PHYHIPL: variants seen among roughly 807,000 people sequenced by gnomAD.
PHYHIPL encodes phytanoyl-CoA hydroxylase-interacting protein-like.
Under a neutral mutation model 33.4 loss-of-function variants are expected in PHYHIPL, and 9 were observed. The observed-to-expected ratio is 0.27, with a 90% CI of 0.16 to 0.47. The LOEUF (loss-of-function observed/expected upper bound fraction) is 0.47, where lower values mean the gene tolerates loss of function less well. PHYHIPL is among the 20% of genes least tolerant of loss of function. The pLI, the probability that PHYHIPL is intolerant of heterozygous loss-of-function variation, is 0.99. For synonymous variants in PHYHIPL, 153 were observed against 154.1 expected (o/e 0.99, Z 0.05); for missense variants, 365 against 460.7 (o/e 0.79, Z 1.90).
In PHYHIPL at chr10:59,246,649, G is replaced by C; in HGVS notation, c.*1058G>C. 2.5e-6 allele frequency: 1 copy of C among 397,584 alleles called. No homozygotes were observed. The highest frequency in any genetic ancestry group is 1.3e-4 in the South Asian group (1 of 7,846). The allele number at this position is 397,584 out of a possible 1,614,324, so 24.6% of individuals were successfully genotyped here. A position where few individuals can be genotyped will look rare whatever the true frequency, so the allele number is the denominator to read the frequency against. On this transcript the variant is annotated 3_prime_UTR_variant, in exon 5 of 5. Coordinates refer to ENST00000373880, the MANE Select transcript of PHYHIPL (RefSeq NM_032439.4). ...ATAAATATTCTGGCTTCTTTTTCAA[G>C]GTATCAGGGCAAACAATTTCCAAAC...
intron 4 of PHYHIPL, among the ~76,000 whole-genome samples, chr10:59,240,357 TAAGTTGAAAATATC>T (rs1840356462): frequency 6.6e-6 from 1 of 152,088 alleles, no homozygotes; most frequent in South Asian, 2.1e-4. Flanking sequence ...AAACCCATTG[TAAGTTGAAAATATC>T]AAGTTGAAAA....
chr10:59,200,760 T>A (rs1839078201), intron 1 of PHYHIPL, among the ~76,000 whole-genome samples: 1 of 152,208 alleles, frequency 6.6e-6, no homozygotes, highest in Admixed American at 6.5e-5. Context: ...ATTTAGCCAT[T>A]CAACTTCTTC....
chr10:59,176,982 G>T (rs1242242821), intron 1 of PHYHIPL, 23 bp downstream of exon 1: 1 of 1,604,898 alleles, frequency 6.2e-7, no homozygotes, highest in Non-Finnish European at 8.5e-7. Context: ...GGGACCGCGA[G>T]GAAAGGGACA....
chr10:59,202,397 G>T (rs957031661), intron 1 of PHYHIPL, among the ~76,000 whole-genome samples: 17 of 152,096 alleles, frequency 1.1e-4, no homozygotes, highest in Admixed American at 3.9e-4. Context: ...TTTTTTACAT[G>T]ATTAGCCAAG....
At chr10:59,177,635 G>A (rs756094872) in intron 1 of PHYHIPL, 1 of 1,551,466 alleles carries the variant, frequency 6.4e-7, no homozygotes, top group Non-Finnish European at 8.7e-7. Context: ...ACCATTGCGT[G>A]TTGATATTAT....
At chr10:59,174,633 T>C (rs967635932), upstream of PHYHIPL, among the ~76,000 whole-genome samples, 2 of 152,236 alleles carry the variant, frequency 1.3e-5, no homozygotes, top group Non-Finnish European at 2.9e-5. Flanking sequence ...AATACACTTC[T>C]TGAAACATTA....
At chr10:59,200,041 C>G (rs558231476) in intron 1 of PHYHIPL, among the ~76,000 whole-genome samples, 1 of 152,160 alleles carries the variant, frequency 6.6e-6, no homozygotes, top group East Asian at 1.9e-4. Flanking sequence ...AATTGAATAC[C>G]CTTTATTTCT....
upstream of PHYHIPL, among the ~76,000 whole-genome samples, chr10:59,174,607 C>T (rs1312436343): frequency 6.6e-6 from 1 of 152,176 alleles, no homozygotes; most frequent in African/African-American, 2.4e-5. Context: ...AAGTTGTATA[C>T]CCAGAAAGTG....
intron 1 of PHYHIPL, among the ~76,000 whole-genome samples, chr10:59,199,685 T>A (rs961853497): frequency 6.6e-5 from 10 of 152,342 alleles, no homozygotes; most frequent in African/African-American, 2.2e-4. Context: ...TTCCTATCCA[T>A]GAGCATGGAA....
chr10:59,227,291 A>G (rs563737251), intron 1 of PHYHIPL, among the ~76,000 whole-genome samples: 47 of 152,290 alleles, frequency 3.1e-4, no homozygotes, highest in South Asian at 2.7e-3. Context: ...AGTGTGGTAG[A>G]GAAGCAAGGC....
intron 4 of PHYHIPL, among the ~76,000 whole-genome samples, chr10:59,244,562 C>CAAAAAAAAA (rs71006239): frequency 0.084 from 3,302 of 39,466 alleles, 1,017 homozygotes; most frequent in East Asian, 0.21. Context: ...GACTCTGTCT[C>CAAAAAAAAA]AAAAAAAAAA....
Position 59,188,483 on chromosome 10 carries a change from C to T in PHYHIPL, c.106+11524C>T, listed in dbSNP as rs183728357. Among the ~76,000 whole-genome samples, 274 of 152,086 alleles carry T rather than the reference C, an allele frequency of 1.8e-3. 1 individual carries two copies. The highest frequency in any genetic ancestry group is 7.8e-3 in the Admixed American group (119 of 15,266). On this transcript the variant is annotated intron_variant, in intron 1 of 4. Transcript: ENST00000373880. ...GAGTTCTGTAGATGTCTATTAGGTC[C>T]GCTTGGTGCAGAGCTGAGTTCAATT...
At chr10:59,191,586 C>T (rs1298514469) in intron 1 of PHYHIPL, among the ~76,000 whole-genome samples, 1 of 151,930 alleles carries the variant, frequency 6.6e-6, no homozygotes, top group East Asian at 1.9e-4. Context: ...GTTTTTATCA[C>T]TACAATGTAA....
At chr10:59,202,703 T>C (rs1300596650) in intron 1 of PHYHIPL, among the ~76,000 whole-genome samples, 1 of 152,190 alleles carries the variant, frequency 6.6e-6, no homozygotes, top group African/African-American at 2.4e-5. Flanking sequence ...CTTTCTGTTT[T>C]CCAGTTGTGA....
intron 1 of PHYHIPL, among the ~76,000 whole-genome samples, chr10:59,185,290 G>A (rs1465708511): frequency 7.2e-5 from 11 of 152,138 alleles, no homozygotes; most frequent in East Asian, 3.9e-4. Flanking sequence ...GCGCCCGGCC[G>A]AACTCATCAT....
chr10:59,237,365 G>A (rs1436130831), intron 3 of PHYHIPL, among the ~76,000 whole-genome samples: 1 of 151,722 alleles, frequency 6.6e-6, no homozygotes, highest in African/African-American at 2.4e-5. Flanking sequence ...AGTGTTAATG[G>A]GATACCATAT....
intron 1 of PHYHIPL, among the ~76,000 whole-genome samples, chr10:59,202,769 A>G (rs759040636): frequency 2.6e-5 from 4 of 152,240 alleles, no homozygotes; most frequent in Non-Finnish European, 5.9e-5. Flanking sequence ...GCTATTAAAC[A>G]GCAGAGTCAG....
Position 59,246,401 on chromosome 10 carries a change from T to C in PHYHIPL, c.*810T>C, listed in dbSNP as rs1840712306. The C allele has an allele frequency of 3.0e-6, 1 of 332,980 alleles. No homozygotes were observed. The highest frequency in any genetic ancestry group is 4.5e-5 in the East Asian group (1 of 22,390). The allele number at this position is 332,980 out of a possible 1,614,324, so 20.6% of individuals were successfully genotyped here. On this transcript the variant is annotated 3_prime_UTR_variant, in exon 5 of 5. Transcript: ENST00000373880. ...CAGAGAAAACAATAAGCCTCTGAAA[T>C]AAGTCTGTTTCTGAAATAGTCAATA...
At chr10:59,187,364 G>A (rs137874823) in intron 1 of PHYHIPL, among the ~76,000 whole-genome samples, 3,236 of 152,248 alleles carry the variant, frequency 0.021, 132 homozygotes, top group African/African-American at 0.074. Flanking sequence ...GATTCGGTTT[G>A]CCAGTATTTT....
Sources: gnomAD v4.1 joint callset for allele counts (sites outside exome capture counted in the v4.1 genomes callset) on GRCh38, gnomAD v4.1.1 for gene constraint, MANE v1.5 for transcripts, NCBI Gene and HGNC (gene_info 2026-07-23, HGNC 2026-07-21) for gene names.